The following PALLD variants were observed in gnomAD, a reference collection of about 807,000 sequenced individuals.
The protein encoded by PALLD is palladin.
Under a neutral mutation model 123.5 loss-of-function variants are expected in PALLD, and 61 were observed. The observed-to-expected ratio is 0.49, with a 90% CI of 0.40 to 0.61. The LOEUF (loss-of-function observed/expected upper bound fraction) is 0.61. PALLD is among the 20% of genes least tolerant of loss of function. The pLI is 0.00. For missense variants in PALLD, 1,273 were observed against 1,377.0 expected (o/e 0.92, Z 1.20); for synonymous variants, 465 against 496.4 (o/e 0.94, Z 0.84).
intron 2 of PALLD, among the ~76,000 whole-genome samples, chr4:168,576,924 A>T (rs183357924): frequency 2.0e-5 from 3 of 152,230 alleles, no homozygotes; most frequent in African/African-American, 4.8e-5. Flanking sequence ...AAAGTCAGGA[A>T]AAAACAGGTG....
intron 2 of PALLD, among the ~76,000 whole-genome samples, chr4:168,615,204 A>T (rs910467973): frequency 6.6e-6 from 1 of 152,136 alleles, no homozygotes; most frequent in Non-Finnish European, 1.5e-5. Flanking sequence ...TAAAAAATTC[A>T]TACAAAAGGT....
chr4:168,719,566 A>T (rs371414235), intron 10 of PALLD, among the ~76,000 whole-genome samples: 1 of 152,092 alleles, frequency 6.6e-6, no homozygotes, highest in African/African-American at 2.4e-5. Context: ...AGCCAAAAGT[A>T]TTATTTAAAA....
intron 10 of PALLD, among the ~76,000 whole-genome samples, chr4:168,753,242 A>G (rs1032100170): frequency 3.3e-5 from 5 of 152,084 alleles, no homozygotes; most frequent in Non-Finnish European, 5.9e-5. Flanking sequence ...GAAAGTAGGG[A>G]GGTATATAGG....
At chr4:168,695,974 A>T (rs1157291819) in intron 8 of PALLD, among the ~76,000 whole-genome samples, 1 of 152,184 alleles carries the variant, frequency 6.6e-6, no homozygotes, top group African/African-American at 2.4e-5. Flanking sequence ...CCTGGGCCAC[A>T]CTGGAAGAAG....
intron 10 of PALLD, among the ~76,000 whole-genome samples, chr4:168,765,240 A>C (rs1347206808): frequency 6.6e-6 from 1 of 152,242 alleles, no homozygotes; most frequent in Non-Finnish European, 1.5e-5. Flanking sequence ...AAGGTTTAGT[A>C]AATGGAAGCG....
intron 2 of PALLD, among the ~76,000 whole-genome samples, chr4:168,534,076 T>G (rs1246387994): frequency 6.6e-6 from 1 of 152,202 alleles, no homozygotes; most frequent in Non-Finnish European, 1.5e-5. Flanking sequence ...TTTTAACATC[T>G]TAAGCAAGGC....
intron 10 of PALLD, among the ~76,000 whole-genome samples, chr4:168,816,443 G>C (rs1741970965): frequency 6.7e-6 from 1 of 148,448 alleles, no homozygotes; most frequent in Non-Finnish European, 1.5e-5. Flanking sequence ...TGGAGTGCTT[G>C]GCATGAATCA....
chr4:168,770,566 A>T (rs534710900), intron 10 of PALLD, among the ~76,000 whole-genome samples: 1 of 152,342 alleles, frequency 6.6e-6, no homozygotes, highest in South Asian at 2.1e-4. Flanking sequence ...TGGTTTTCAT[A>T]GAGCATTCAG....
intron 2 of PALLD, among the ~76,000 whole-genome samples, chr4:168,551,246 T>C (rs1161144660): frequency 6.6e-6 from 1 of 152,254 alleles, no homozygotes; most frequent in African/African-American, 2.4e-5. Flanking sequence ...TTTTATTTTC[T>C]CTTTCGTGAA....
intron 10 of PALLD, among the ~76,000 whole-genome samples, chr4:168,818,627 A>G (rs1742297563): frequency 6.6e-6 from 1 of 152,236 alleles, no homozygotes; most frequent in South Asian, 2.1e-4. Flanking sequence ...TTTGACTTCA[A>G]AATCATACTT....
chr4:168,923,991 C>A (rs1208022941), intron 18 of PALLD, among the ~76,000 whole-genome samples: 2 of 152,188 alleles, frequency 1.3e-5, no homozygotes, highest in African/African-American at 4.8e-5. Flanking sequence ...GCTGGTCAGA[C>A]AGGCATTCTG....
intron 10 of PALLD, among the ~76,000 whole-genome samples, chr4:168,849,332 A>C (rs1308418632): frequency 6.6e-6 from 1 of 152,216 alleles, no homozygotes; most frequent in Non-Finnish European, 1.5e-5. Context: ...TTGCTTTTTG[A>C]AAAAGCCAGA....
rs1342466140 is a variant in PALLD, at chr4:168,668,209, G to C, written c.928G>C (p.Glu310Gln). 3 of 1,614,090 alleles carry C rather than the reference G, an allele frequency of 1.9e-6. No homozygotes were observed. Among genetic ancestry groups the C allele is most frequent in the Non-Finnish European group, 2.5e-6 (3 of 1,179,946 alleles). The change falls in exon 3 of 22, where the codon GAA becomes CAA. Residue 310 changes from glutamate (E) to glutamine (Q), a missense_variant. Glu to Gln is a conservative substitution (Grantham distance 29). Around this residue, in one of 2 missense-constraint regions of PALLD, gnomAD observed 944 missense variants for 954.5 expected, o/e 0.99. Coordinates refer to ENST00000505667, the MANE Select transcript of PALLD (RefSeq NM_001166108.2). ...PRVRWFCEGK[E>Q]LHNTPDIQIH... ...CTGCAGATGGTTCTGTGAAGGGAAA[G>C]AACTGCACAACACTCCTGATATTCA... is the stretch of plus-strand genomic sequence containing the variant.
At chr4:168,831,189 G>A (rs928011025) in intron 10 of PALLD, among the ~76,000 whole-genome samples, 4 of 152,228 alleles carry the variant, frequency 2.6e-5, no homozygotes, top group African/African-American at 7.2e-5. Flanking sequence ...TGGTGATCTG[G>A]ATTTAGGGCT....
chr4:168,571,714 A>G (rs1769003568), intron 2 of PALLD, among the ~76,000 whole-genome samples: 1 of 152,172 alleles, frequency 6.6e-6, no homozygotes, highest in South Asian at 2.1e-4. Flanking sequence ...AGATTCTTGA[A>G]GGTAAATTTC....
rs536185548 is a variant in PALLD, at chr4:168,886,243, A to T, written c.1965-4679A>T. 5.3e-5 allele frequency among the ~76,000 whole-genome samples: 8 copies of T among 151,986 alleles called. No individual in the cohort carries two copies. The East Asian group carries it at 1.4e-3, about 26-fold the overall frequency. On this transcript the variant is annotated intron_variant, in intron 10 of 21. Transcript: ENST00000505667. ...TAACAATCACTTACCTTAGAAACCA[A>T]CTCTTTTTTTCTAGGCTTAACAGGG...
intron 10 of PALLD, among the ~76,000 whole-genome samples, chr4:168,759,587 T>C (rs1732531106): frequency 6.6e-6 from 1 of 151,920 alleles, no homozygotes; most frequent in Admixed American, 6.6e-5. Flanking sequence ...AAGAGGAACC[T>C]GTGAGAAGAA....
chr4:168,819,939 G>T (rs1037898238), intron 10 of PALLD, among the ~76,000 whole-genome samples: 1 of 152,198 alleles, frequency 6.6e-6, no homozygotes, highest in African/African-American at 2.4e-5. Flanking sequence ...TAATGCCAGA[G>T]CCAACTCCTT....
intron 10 of PALLD, among the ~76,000 whole-genome samples, chr4:168,784,333 A>C (rs577601962): frequency 6.6e-6 from 1 of 152,186 alleles, no homozygotes; most frequent in East Asian, 1.9e-4. Context: ...ACCCTGAAAA[A>C]AAAAAGAGAG....
Sources: gnomAD v4.1 joint callset for allele counts (sites outside exome capture counted in the v4.1 genomes callset) on GRCh38, gnomAD v4.1.1 for gene constraint, gnomAD v4.1.1 regional missense constraint, MANE v1.5 for transcripts, NCBI Gene and HGNC (gene_info 2026-07-23, HGNC 2026-07-21) for gene names.